WWTR1: variants seen among roughly 807,000 people sequenced by gnomAD.
WWTR1 encodes the protein WW domain containing transcription regulator 1, also known as WW domain-containing transcription regulator protein 1.
A neutral mutation model predicts 40.1 loss-of-function variants in WWTR1; 13 were observed. The ratio of observed to expected loss-of-function variants is 0.32; its 90% CI spans 0.21 to 0.52. WWTR1 has a LOEUF of 0.52. Ranked by LOEUF, WWTR1 falls within the 20% of genes least tolerant of loss-of-function variation. WWTR1 has a pLI of 0.97. For missense variants in WWTR1, 436 were observed against 523.1 expected, an observed-to-expected ratio of 0.83 and a Z score of 1.63; for synonymous variants, 230 against 210.1, an observed-to-expected ratio of 1.09 and a Z score of -0.82.
intron 3 of WWTR1, among the ~76,000 whole-genome samples, chr3:149,560,957 C>CA (rs1737055127): frequency 3.4e-5 from 1 of 29,642 alleles, no homozygotes; most frequent in Non-Finnish European, 5.6e-5. Context: ...GAAAGTAACA[C>CA]CCCCCCCCGC....
chr3:149,620,022 C>A (rs559625042), intron 2 of WWTR1, among the ~76,000 whole-genome samples: 9 of 152,178 alleles, frequency 5.9e-5, no homozygotes, highest in Non-Finnish European at 1.0e-4. Context: ...CATCTACACG[C>A]TTTGATGTAT....
chr3:149,582,234 C>CA (rs992429128), intron 2 of WWTR1, among the ~76,000 whole-genome samples: 46 of 150,244 alleles, frequency 3.1e-4, no homozygotes, highest in African/African-American at 1.1e-3. Flanking sequence ...GCAAACTGAG[C>CA]AAAATTCTTG....
chr3:149,600,757 T>C (rs573908389), intron 2 of WWTR1, among the ~76,000 whole-genome samples: 1 of 152,278 alleles, frequency 6.6e-6, no homozygotes, highest in African/African-American at 2.4e-5. Context: ...ATATGGTAAA[T>C]ATGATGTACC....
chr3:149,590,936 C>G (rs1349828398), intron 2 of WWTR1, among the ~76,000 whole-genome samples: 1 of 152,100 alleles, frequency 6.6e-6, no homozygotes, highest in African/African-American at 2.4e-5. Flanking sequence ...ACACCACCAT[C>G]CCTCCTTGTC....
At chr3:149,612,589 G>A (rs996232899) in intron 2 of WWTR1, among the ~76,000 whole-genome samples, 4 of 152,108 alleles carry the variant, frequency 2.6e-5, no homozygotes, top group Non-Finnish European at 5.9e-5. Context: ...TTTCAGGGAA[G>A]TGCCATAAAA....
intron 2 of WWTR1, among the ~76,000 whole-genome samples, chr3:149,601,152 T>C (rs1180913488): frequency 6.6e-6 from 1 of 152,198 alleles, no homozygotes; most frequent in East Asian, 1.9e-4. Context: ...CAAAAATGTA[T>C]CAATTTCAAG....
intron 3 of WWTR1, among the ~76,000 whole-genome samples, chr3:149,545,858 T>G (rs1354967432): frequency 6.6e-6 from 1 of 152,122 alleles, no homozygotes; most frequent in African/African-American, 2.4e-5. Flanking sequence ...TTTGGAAAAT[T>G]TTATAACTGA....
At chr3:149,532,322 A>C (rs558798775) in intron 4 of WWTR1, among the ~76,000 whole-genome samples, 4 of 152,350 alleles carry the variant, frequency 2.6e-5, no homozygotes, top group African/African-American at 9.6e-5. Flanking sequence ...GTCATGTGGA[A>C]CTGATCCACT....
intron 2 of WWTR1, among the ~76,000 whole-genome samples, chr3:149,617,934 A>G (rs1044345755): frequency 4.3e-5 from 6 of 140,888 alleles, no homozygotes; most frequent in African/African-American, 1.6e-4. Flanking sequence ...TGGCTAAAAG[A>G]AAACAACGTT....
At chr3:149,700,196 G>A (rs1307323341) in intron 1 of WWTR1, among the ~76,000 whole-genome samples, 1 of 152,166 alleles carries the variant, frequency 6.6e-6, no homozygotes. Context: ...GCTGAGCAAG[G>A]TGGCTTAGGC....
chr3:149,526,069 TAGC>T lies in WWTR1; in HGVS notation c.959_961del (p.Cys320del). ...GTCCTCCGGAGTTGTGGGGACACTGTAGCACCCTAACCCCAGGCCACTGTCAGT... is the reference window on the plus strand; with the variant it reads ...GTCCTCCGGAGTTGTGGGGACACTGTACCCTAACCCCAGGCCACTGTCAGT... On this transcript the variant is annotated inframe_deletion, in exon 6 of 7. Transcript: ENST00000360632. 1.2e-6 allele frequency: 2 copies of T among 1,612,420 alleles called. No homozygotes were observed. Among genetic ancestry groups the T allele is most frequent in the Non-Finnish European group, 1.7e-6 (2 of 1,179,078 alleles).
chr3:149,678,703 C>T (rs975152989), intron 1 of WWTR1, among the ~76,000 whole-genome samples: 3 of 152,056 alleles, frequency 2.0e-5, no homozygotes, highest in South Asian at 2.1e-4. Context: ...ATTCTATCTC[C>T]GTTATCAGAA....
chr3:149,600,688 T>C (rs1358230816), intron 2 of WWTR1, among the ~76,000 whole-genome samples: 1 of 152,202 alleles, frequency 6.6e-6, no homozygotes, highest in Non-Finnish European at 1.5e-5. Context: ...ATAAAGTCTT[T>C]CCATGAGTCA....
At chr3:149,658,137 C>A (rs1713374500), upstream of WWTR1, 1 of 154,028 alleles carries the variant, frequency 6.5e-6, no homozygotes, top group Non-Finnish European at 1.4e-5. Flanking sequence ...CCAGCCCCCG[C>A]TCGCCCCTCC....
intron 2 of WWTR1, among the ~76,000 whole-genome samples, chr3:149,626,687 C>T (rs1266550217): frequency 6.6e-6 from 1 of 151,946 alleles, no homozygotes; most frequent in South Asian, 2.1e-4. Flanking sequence ...TATCTTCCCA[C>T]GAGGACTACA....
At chr3:149,535,209 A>C (rs1735771353) in intron 4 of WWTR1, among the ~76,000 whole-genome samples, 1 of 150,534 alleles carries the variant, frequency 6.6e-6, no homozygotes, top group South Asian at 2.1e-4. Context: ...TTAATTATAA[A>C]GGGTGGGGTG....
chr3:149,577,161 G>GAACA (rs146268231), intron 2 of WWTR1, among the ~76,000 whole-genome samples: 5,931 of 151,858 alleles, frequency 0.039, 364 homozygotes, highest in African/African-American at 0.14. Flanking sequence ...CAGTCTCAAA[G>GAACA]AACAAACAAA....
At chr3:149,582,512 G>A (rs895307030) in intron 2 of WWTR1, among the ~76,000 whole-genome samples, 1 of 151,734 alleles carries the variant, frequency 6.6e-6, no homozygotes, top group Non-Finnish European at 1.5e-5. Flanking sequence ...GATTGCTTGA[G>A]CATAGGAGTT....
chr3:149,684,806 C>T (rs977797970), intron 1 of WWTR1, among the ~76,000 whole-genome samples: 3 of 152,130 alleles, frequency 2.0e-5, no homozygotes, highest in Non-Finnish European at 4.4e-5. Context: ...TCGAGCAATC[C>T]TCCCACCTCT....
Sources: gnomAD v4.1 joint callset for allele counts (sites outside exome capture counted in the v4.1 genomes callset) on GRCh38, gnomAD v4.1.1 for gene constraint, MANE v1.5 for transcripts, NCBI Gene and HGNC (gene_info 2026-07-23, HGNC 2026-07-21) for gene names.